CFAP65: variants seen among roughly 807,000 people sequenced by gnomAD.
The protein encoded by CFAP65 is cilia- and flagella-associated protein 65.
A neutral mutation model predicts 208.0 loss-of-function variants in CFAP65; 155 were observed. The ratio of observed to expected loss-of-function variants is 0.75; its 90% CI spans 0.65 to 0.85. CFAP65 has a LOEUF of 0.85. CFAP65 is among the 40% of genes least tolerant of loss of function. The pLI is 0.00. For synonymous variants in CFAP65, 970 were observed against 986.3 expected (o/e 0.98, Z 0.31); for missense variants, 2,294 against 2,451.3 (o/e 0.94, Z 1.36).
rs758374178 is a variant in CFAP65 at position 219,011,011 on chromosome 2, A to C, written c.3958-15T>G. ...AGCTCATAAATCTGCAGGGGGCAGG[A>C]ATAGGAAAATTGCCACATCAGCTCA... On this transcript the variant is annotated splice_polypyrimidine_tract_variant and intron_variant, in intron 24 of 34. Transcript: ENST00000341552. The C allele has an allele frequency of 6.3e-7, 1 of 1,588,222 alleles. No homozygotes were observed. The highest frequency in any genetic ancestry group is 1.1e-5 in the South Asian group (1 of 89,682).
chr2:219,038,966 G>C lies in CFAP65; in HGVS notation c.83C>G (p.Pro28Arg). Residue 28 changes from proline to arginine, a missense_variant, in exon 3 of 35, where the codon CCC (proline) becomes CGC (arginine). Physicochemically the swap from Pro to Arg is moderately radical, Grantham distance 103. Transcript: ENST00000341552. ...GCCTCTTAGGAGAAGAGGAATAAGG[G>C]GGAAAGAAGAGGCAAATGAGACTGA... is the stretch of plus-strand genomic sequence containing the variant. Reference protein sequence around the residue: ...NPSVSFASSFPLIPLLLRGKS... With the variant: ...NPSVSFASSFRLIPLLLRGKS... The C allele has an allele frequency of 5.6e-6, 9 of 1,613,982 alleles. No homozygotes were observed. The highest frequency in any genetic ancestry group is 6.8e-6 in the Non-Finnish European group (8 of 1,179,932).
chr2:219,004,433 A>G lies in CFAP65; in HGVS notation c.5074T>C (p.Phe1692Leu). 6.2e-7 allele frequency: 1 copy of G among 1,611,440 alleles called. No individual in the cohort carries two copies. Among genetic ancestry groups the G allele is most frequent in the Non-Finnish European group, 8.5e-7 (1 of 1,178,668 alleles). Residue 1692 changes from phenylalanine (F) to leucine (L), a missense_variant, in exon 33 of 35, where the codon TTC (phenylalanine) becomes CTC (leucine). Transcript: ENST00000341552. This position sits in a 1 kb window ranked among gnomAD's most constrained non-coding sequence, Gnocchi z 4.7. The stretch of plus-strand genomic sequence containing the variant: ...AGGCTTTGGTCCACAGCCTCATGGA[A>G]GTTCTTGTCTTCCAGCAGGCCCCTA... ...IIRGLLEDKNFHEAVDQSLVE... is the reference protein window; with the variant it reads ...IIRGLLEDKNLHEAVDQSLVE...
chr2:219,008,571 C>T (rs1574525214), intron 29 of CFAP65, among the ~76,000 whole-genome samples: 3 of 152,162 alleles, frequency 2.0e-5, no homozygotes, highest in Middle Eastern at 6.8e-3. Context: ...ATGGTGAAAC[C>T]CCATCCCTAC....
chr2:219,031,116 CA>C lies in CFAP65; in HGVS notation c.1004del (p.Leu335ArgfsTer12), dbSNP rs1305231564. ...GAGGTTGGGCCTCACCCACAGCCTG[CA>C]GCTGGATGCTGCTCCTCTGCCGGCT... ...AGSRQRSSIQLQAVAKCAQLL... is the reference protein window; with the variant it reads ...AGSRQRSSIQXQAVAKCAQLL... On this transcript the variant is annotated frameshift_variant, in exon 8 of 35. Coordinates refer to ENST00000341552, the MANE Select transcript of CFAP65 (RefSeq NM_194302.4). LOFTEE classifies it high-confidence loss of function. The surrounding 1 kb of genome is among the most constrained non-coding windows in gnomAD (Gnocchi z 5.2). 3.1e-6 allele frequency: 5 copies of C among 1,589,886 alleles called. No homozygotes were observed. The highest frequency in any genetic ancestry group is 4.3e-6 in the Non-Finnish European group (5 of 1,168,038).
chr2:219,010,531 C>T lies in CFAP65; in HGVS notation c.4308+15G>A. 3 of 1,604,564 alleles carry T rather than the reference C, an allele frequency of 1.9e-6. No individual in the cohort carries two copies. The highest frequency in any genetic ancestry group is 2.5e-6 in the Non-Finnish European group (3 of 1,177,702). On this transcript the variant is annotated intron_variant, in intron 26 of 34. Transcript: ENST00000341552. ...CCCACAAGGCCTCAGGCCTTCCTAG[C>T]TCCCCTTTCCCCACCTGTCCAGGCA...
At position 219,031,045 on chromosome 2, in the gene CFAP65, C is replaced by T; in HGVS notation, c.1015+61G>A. Reference sequence around the variant, plus strand: ...GATGGGAGGTGGGGGACACTGAGGCCTGGAGGACCCAGAAGGTGCAGGAGG... The same window carrying T: ...GATGGGAGGTGGGGGACACTGAGGCTTGGAGGACCCAGAAGGTGCAGGAGG... On this transcript the variant is annotated intron_variant, in intron 8 of 34. Coordinates refer to ENST00000341552, the MANE Select transcript of CFAP65 (RefSeq NM_194302.4). The surrounding 1 kb of genome is among the most constrained non-coding windows in gnomAD (Gnocchi z 5.2). The T allele has an allele frequency of 6.6e-7, 1 of 1,524,976 alleles. No individual in the cohort carries two copies. Among genetic ancestry groups the T allele is most frequent in the East Asian group, 2.4e-5 (1 of 40,930 alleles). The allele number at this position is 1,524,976 out of a possible 1,614,324, so 94.5% of individuals were successfully genotyped here. A position where few individuals can be genotyped will look rare whatever the true frequency, so the allele number is the denominator to read the frequency against.
intron 26 of CFAP65, 103 bp downstream of exon 26, chr2:219,010,443 A>T: frequency 8.0e-7 from 1 of 1,255,052 alleles, no homozygotes; most frequent in Non-Finnish European, 1.1e-6. Context: ...CTCCTCAACT[A>T]CATCTCATGT....
rs1948010078 is a variant in CFAP65 at position 219,031,296 on chromosome 2, G to A, written c.825C>T (p.Pro275=). 1 of 1,613,670 alleles carries A rather than the reference G, an allele frequency of 6.2e-7. No individual in the cohort carries two copies. Among genetic ancestry groups the A allele is most frequent in the South Asian group, 1.1e-5 (1 of 91,058 alleles). ...FFCLDNVGDL[P]TFFTWEFSSP... ...TGGAGAACTCCCAGGTGAAGAAGGT[G>A]GGCAGGTCCCTGGGGGTGGGGGGCA... Residue 275 remains proline (P), a synonymous_variant, in exon 8 of 35, where the codon CCC becomes CCT. Coordinates refer to ENST00000341552, the MANE Select transcript of CFAP65 (RefSeq NM_194302.4). This position sits in a 1 kb window ranked among gnomAD's most constrained non-coding sequence, Gnocchi z 5.2.
At position 219,004,498 on chromosome 2, in the gene CFAP65, T is replaced by G; in HGVS notation, c.5052-43A>C. The stretch of plus-strand genomic sequence containing the variant: ...GGAGAAGGCCCTTGCTGAGGGGCCC[T>G]GAAGCCCCTGGGGAGCCCTGGCTTC... On this transcript the variant is annotated intron_variant, in intron 32 of 34. Coordinates refer to ENST00000341552, the MANE Select transcript of CFAP65 (RefSeq NM_194302.4). The surrounding 1 kb of genome is among the most constrained non-coding windows in gnomAD (Gnocchi z 4.7). 2 of 1,555,224 alleles carry G rather than the reference T, an allele frequency of 1.3e-6. No homozygotes were observed. The highest frequency in any genetic ancestry group is 1.7e-6 in the Non-Finnish European group (2 of 1,154,414).
In CFAP65 at chr2:219,009,370, A is replaced by T. The variant is rs1190239894; in HGVS notation, c.4543T>A (p.Tyr1515Asn). Residue 1515 changes from tyrosine to asparagine, a missense_variant, in exon 28 of 35, where the codon TAC becomes AAC. This residue lies in a region of CFAP65 where 1,427 missense variants were observed against 1,438.7 expected (regional missense o/e 0.99). Coordinates refer to ENST00000341552, the MANE Select transcript of CFAP65 (RefSeq NM_194302.4). Reference sequence around the variant, plus strand: ...ACCTTGCATACCAGGTCTGCACTGTAGAAGCTGGCATGCACAGAGGCCCTC... The same window carrying T: ...ACCTTGCATACCAGGTCTGCACTGTTGAAGCTGGCATGCACAGAGGCCCTC... ...TLRASVHASF[Y>N]SADLVCKLYS... 1 of 1,612,342 alleles carries T rather than the reference A, an allele frequency of 6.2e-7. No homozygotes were observed. Among genetic ancestry groups the T allele is most frequent in the Non-Finnish European group, 8.5e-7 (1 of 1,179,708 alleles).
intron 29 of CFAP65, among the ~76,000 whole-genome samples, chr2:219,007,017 GGCGGGCAGCTCCAAGGGA>G (rs1426027670): frequency 6.6e-6 from 1 of 152,074 alleles, no homozygotes; most frequent in African/African-American, 2.4e-5. Context: ...ATCAAATGTA[GGCGGGCAGCTCCAAGGGA>G]GCTTGCCCTC....
chr2:219,004,097 C>T lies in CFAP65; in HGVS notation c.5410G>A (p.Glu1804Lys), dbSNP rs111416503. ...EIEEKEEERD[E>K]KEEKVSWAGI... ...GCCCAGCTCACTTTCTCTTCCTTCTCATCCCTCTCCTCCTCCTTCTCCTCT... is the reference window on the plus strand; with the variant it reads ...GCCCAGCTCACTTTCTCTTCCTTCTTATCCCTCTCCTCCTCCTTCTCCTCT... Residue 1804 changes from glutamate to lysine, a missense_variant, in exon 33 of 35, where the codon GAG (glutamate) becomes AAG (lysine). Transcript: ENST00000341552. This position sits in a 1 kb window ranked among gnomAD's most constrained non-coding sequence, Gnocchi z 4.7. 8.3e-5 allele frequency: 134 copies of T among 1,613,960 alleles called. No homozygotes were observed. Among genetic ancestry groups the T allele is most frequent in the Non-Finnish European group, 7.7e-5 (91 of 1,180,016 alleles).
Position 219,013,916 on chromosome 2 carries a change from G to GGTTT in CFAP65, c.3730_3731insAAAC (p.Ala1244GlufsTer25). On this transcript the variant is annotated frameshift_variant, in exon 22 of 35. Transcript: ENST00000341552. LOFTEE classifies it high-confidence loss of function. ...CTCCTGCCCAGGACTCAGGCTCCCA[G>GGTTT]CCTTGGGGCTGATGGAGAAGAGGCA... 6.2e-7 allele frequency: 1 copy of GGTTT among 1,613,948 alleles called. No homozygotes were observed. The highest frequency in any genetic ancestry group is 8.5e-7 in the Non-Finnish European group (1 of 1,179,946).
chr2:219,022,271 A>T lies in CFAP65; in HGVS notation c.2879T>A (p.Met960Lys), dbSNP rs1162816516. The T allele has an allele frequency of 1.9e-6, 3 of 1,608,060 alleles. No individual in the cohort carries two copies. The highest frequency in any genetic ancestry group is 2.5e-6 in the Non-Finnish European group (3 of 1,177,530). ...EETKYLFQVG[M>K]WVWEAGLSPN... ...GGACAGGCCGGCTTCCCAGACCCAC[A>T]TCCCCACTTGGAACAGGTACTTGGT... Residue 960 changes from methionine to lysine, a missense_variant, in exon 17 of 35, where the codon ATG (methionine) becomes AAG (lysine). Met to Lys is a moderately conservative substitution (Grantham distance 95, BLOSUM62 -1). Transcript: ENST00000341552.
chr2:219,017,989 T>C (rs576721913), intron 21 of CFAP65, among the ~76,000 whole-genome samples: 24 of 152,134 alleles, frequency 1.6e-4, no homozygotes, highest in African/African-American at 5.5e-4. Context: ...TTCCCCATCT[T>C]CCTCCACCAT....
rs144661790 is a variant in CFAP65, at chr2:219,023,288, G to A, written c.2739C>T (p.Phe913=). ...FRNPSRLPLQ[F]EWRVSEQHRK... ...GATGCTGCTCAGAGACCCTCCACTC[G>A]AACTGCAGGGGCAGACGCGAGGGGT... is the stretch of plus-strand genomic sequence containing the variant. Residue 913 remains phenylalanine (F), a synonymous_variant, in exon 16 of 35, where the codon TTC becomes TTT. Coordinates refer to ENST00000341552, the MANE Select transcript of CFAP65 (RefSeq NM_194302.4). 348 of 1,613,310 alleles carry A rather than the reference G, an allele frequency of 2.2e-4. 3 individuals are homozygous for A. The highest frequency in any genetic ancestry group is 1.3e-3 in the South Asian group (121 of 90,846).
intron 5 of CFAP65, chr2:219,033,597 C>T (rs1948182382): frequency 6.6e-6 from 1 of 152,078 alleles, no homozygotes; most frequent in African/African-American, 2.4e-5. Flanking sequence ...ATGAGAAAGA[C>T]TCTCAGCAAA....
At chr2:219,014,069 C>CAA in intron 21 of CFAP65, 25 bp from the exon 22 acceptor site, 1 of 1,577,744 alleles carries the variant, frequency 6.3e-7, no homozygotes, top group Non-Finnish European at 8.6e-7. Context: ...CAAAGCCATA[C>CAA]AAAGAAACTG....
rs776318761 is a variant in CFAP65 at position 219,038,952 on chromosome 2, G to A, written c.97C>T (p.Leu33Phe). 1 of 1,613,728 alleles carries A rather than the reference G, an allele frequency of 6.2e-7. No homozygotes were observed. Among genetic ancestry groups the A allele is most frequent in the Non-Finnish European group, 8.5e-7 (1 of 1,179,754 alleles). Residue 33 changes from leucine (L) to phenylalanine (F), a missense_variant, in exon 3 of 35, where the codon CTC becomes TTC. Leu to Phe is a conservative substitution (Grantham distance 22). Coordinates refer to ENST00000341552, the MANE Select transcript of CFAP65 (RefSeq NM_194302.4). ...TTCTGAACACTCTTGCCTCTTAGGA[G>A]AAGAGGAATAAGGGGGAAAGAAGAG... ...FASSFPLIPL[L>F]LRGKSVQKKQ... is the part of the protein sequence containing the mutation.
Sources: gnomAD v4.1 joint callset for allele counts (sites outside exome capture counted in the v4.1 genomes callset) on GRCh38, gnomAD v4.1.1 for gene constraint, gnomAD v4.1.1 regional missense constraint, Gnocchi (gnomAD v3.1) non-coding constraint, MANE v1.5 for transcripts, NCBI Gene and HGNC (gene_info 2026-07-23, HGNC 2026-07-21) for gene names.